Variants in SNRNP200 observed in about 807,000 individuals in gnomAD.
SNRNP200 encodes the protein U5 small nuclear ribonucleoprotein 200 kDa helicase.
SNRNP200 carries 66 observed loss-of-function variants against 255.2 expected under a neutral mutation model. The observed-to-expected ratio is 0.26, with a 90% CI of 0.21 to 0.32. The LOEUF (loss-of-function observed/expected upper bound fraction) is 0.32. Among genes scored for constraint, SNRNP200 ranks in the 10% least tolerant of loss-of-function variants. SNRNP200 has a pLI of 1.00. For missense variants in SNRNP200, 1,585 were observed against 2,749.8 expected, an observed-to-expected ratio of 0.58 and a Z score of 9.47; for synonymous variants, 939 against 1,027.8, an observed-to-expected ratio of 0.91 and a Z score of 1.65.
chr2:96,296,698 G>A lies in SNRNP200; in HGVS notation c.1516-7C>T. On this transcript the variant is annotated splice_polypyrimidine_tract_variant and splice_region_variant and intron_variant, in intron 12 of 44. Transcript: ENST00000323853. The stretch of plus-strand genomic sequence containing the variant: ...CGTTGGTCTTCCCAGCACCCTACGG[G>A]AGAGGTCAGGGATGAGAACGCCTAT... 6.2e-7 allele frequency: 1 copy of A among 1,614,172 alleles called. No homozygotes were observed. The highest frequency in any genetic ancestry group is 8.5e-7 in the Non-Finnish European group (1 of 1,180,008).
Position 96,296,988 on chromosome 2 carries a change from T to C in SNRNP200, c.1460A>G (p.Lys487Arg). The change falls in exon 12 of 45, where the codon AAG becomes AGG. Residue 487 changes from lysine to arginine, a missense_variant. By Grantham distance (26) the Lys-to-Arg change is conservative. Around this residue, in one of 9 missense-constraint regions of SNRNP200, gnomAD observed 383 missense variants for 645.3 expected, o/e 0.59. Transcript: ENST00000323853. ...CGTCTCAAGGGCAGCACGGTAGAGC[T>C]TACTCTGGATCCGATTCAGTGTTTT... ...GFKTLNRIQS[K>R]LYRAALETDE... is the part of the protein sequence containing the mutation. 4 of 1,614,216 alleles carry C rather than the reference T, an allele frequency of 2.5e-6. No individual in the cohort carries two copies. The highest frequency in any genetic ancestry group is 3.4e-6 in the Non-Finnish European group (4 of 1,180,040).
At chr2:96,284,701 G>A (rs1437114634) in intron 30 of SNRNP200, 116 bp from the exon 31 acceptor site, 28 of 758,620 alleles carry the variant, frequency 3.7e-5, no homozygotes, top group Middle Eastern at 2.9e-4. Context: ...CTCAAGCTAC[G>A]TTCTAATCCC....
intron 35 of SNRNP200, chr2:96,281,511 C>T (rs1232388118): frequency 5.2e-6 from 2 of 382,638 alleles, no homozygotes; most frequent in African/African-American, 2.1e-5. Flanking sequence ...TGTATGACCT[C>T]GACCAAGTCA....
chr2:96,276,594 G>A, intron 43 of SNRNP200: 1 of 375,922 alleles, frequency 2.7e-6, no homozygotes, highest in Middle Eastern at 4.2e-4. Context: ...GCTAATTTTT[G>A]TATTTTTAGT....
At chr2:96,305,257 C>G in intron 1 of SNRNP200, 136 bp downstream of exon 1, 1 of 1,174,988 alleles carries the variant, frequency 8.5e-7, no homozygotes, top group Non-Finnish European at 1.3e-6. Context: ...CGTATAACCC[C>G]CACCTTCACC....
At position 96,286,601 on chromosome 2, in the gene SNRNP200, A is replaced by G. The variant is rs752605192; in HGVS notation, c.3829+87T>C. On this transcript the variant is annotated intron_variant, in intron 28 of 44. Coordinates refer to ENST00000323853, the MANE Select transcript of SNRNP200 (RefSeq NM_014014.5). The surrounding 1 kb of genome is among the most constrained non-coding windows in gnomAD (Gnocchi z 4.8). Reference sequence around the variant, plus strand: ...GCATATGTATCACTCTGTCCCCAGCAAGGGCAAGCCCGGGACAAAGTGCAA... The same window carrying G: ...GCATATGTATCACTCTGTCCCCAGCGAGGGCAAGCCCGGGACAAAGTGCAA... 1 of 1,590,878 alleles carries G rather than the reference A, an allele frequency of 6.3e-7. No individual in the cohort carries two copies. Among genetic ancestry groups the G allele is most frequent in the Non-Finnish European group, 8.6e-7 (1 of 1,163,016 alleles).
chr2:96,275,428 A>G lies in SNRNP200; in HGVS notation c.6175-79T>C, dbSNP rs1318521152. On this transcript the variant is annotated intron_variant, in intron 43 of 44. Coordinates refer to ENST00000323853, the MANE Select transcript of SNRNP200 (RefSeq NM_014014.5). ...CAACCATGAAAATGGTACAGTTACA[A>G]AAGAGAGAACAAAAATCAGATAGCT... 4.1e-6 allele frequency: 5 copies of G among 1,216,430 alleles called. No homozygotes were observed. In the East Asian group the frequency reaches 9.3e-5, roughly 23 times the overall value. 75.4% of individuals were successfully genotyped at this position (1,216,430 alleles called of 1,614,324 possible). A position where few individuals can be genotyped will look rare whatever the true frequency, so the allele number is the denominator to read the frequency against.
Position 96,284,869 on chromosome 2 carries a change from C to A in SNRNP200, c.4165-284G>T, listed in dbSNP as rs538006296. The A allele has an allele frequency of 7.0e-5, 37 of 529,618 alleles. No homozygotes were observed. In the African/African-American group the frequency reaches 7.1e-4, roughly 10 times the overall value. 32.8% of individuals were successfully genotyped at this position (529,618 alleles called of 1,614,324 possible). A position where few individuals can be genotyped will look rare whatever the true frequency, so the allele number is the denominator to read the frequency against. On this transcript the variant is annotated intron_variant, in intron 30 of 44. Coordinates refer to ENST00000323853, the MANE Select transcript of SNRNP200 (RefSeq NM_014014.5). ...GGTTCAAGCGATTCTCCTGCCTCAG[C>A]CTTCCAAGTAGCTGGGATTACAGGC...
Position 96,298,267 on chromosome 2 carries a change from AC to A in SNRNP200, c.1119+16del. 1 of 1,614,148 alleles carries A rather than the reference AC, an allele frequency of 6.2e-7. No individual in the cohort carries two copies. The highest frequency in any genetic ancestry group is 1.1e-5 in the South Asian group (1 of 91,076). On this transcript the variant is annotated intron_variant, in intron 9 of 44. Coordinates refer to ENST00000323853, the MANE Select transcript of SNRNP200 (RefSeq NM_014014.5). Reference sequence around the variant, plus strand: ...GTTAGCTCAGAAATCAGACAGATAAACCAACCCAGTCCTTACTCGGATCAGA... The same window carrying A: ...GTTAGCTCAGAAATCAGACAGATAAACAACCCAGTCCTTACTCGGATCAGA...
intron 35 of SNRNP200, 21 bp downstream of exon 35, chr2:96,281,793 C>G (rs1260751766): frequency 7.8e-6 from 12 of 1,539,606 alleles, no homozygotes; most frequent in Non-Finnish European, 1.1e-5. Context: ...TGTGCTAACA[C>G]AGAGCACCAG....
intron 21 of SNRNP200, 109 bp from the exon 22 acceptor site, chr2:96,289,488 A>G (rs978414345): frequency 8.4e-7 from 1 of 1,186,722 alleles, no homozygotes; most frequent in Admixed American, 1.9e-5. Context: ...TTTTTTGGTA[A>G]AGTATATGAC....
intron 24 of SNRNP200, 42 bp from the exon 25 acceptor site, chr2:96,288,011 T>A (rs746868375): frequency 1.0e-5 from 16 of 1,570,702 alleles, no homozygotes; most frequent in Non-Finnish European, 1.4e-5. Flanking sequence ...GTCTCGACTA[T>A]CCCCAGGCCT....
chr2:96,286,232 C>CCG lies in SNRNP200; in HGVS notation c.4003+78_4003+79insCG. 1 of 1,465,918 alleles carries CCG rather than the reference C, an allele frequency of 6.8e-7. No individual in the cohort carries two copies. Among genetic ancestry groups the CCG allele is most frequent in the Non-Finnish European group, 9.6e-7 (1 of 1,046,344 alleles). 90.8% of individuals were successfully genotyped at this position (1,465,918 alleles called of 1,614,324 possible). A position where few individuals can be genotyped will look rare whatever the true frequency, so the allele number is the denominator to read the frequency against. Reference sequence around the variant, plus strand: ...AGACCTCCCAAGTGCCTGAGCACCCCCACTCCCCTGCCTGCCACAGAGCAC... The same window carrying CCG: ...AGACCTCCCAAGTGCCTGAGCACCCCCGCACTCCCCTGCCTGCCACAGAGCAC... On this transcript the variant is annotated intron_variant, in intron 29 of 44. Coordinates refer to ENST00000323853, the MANE Select transcript of SNRNP200 (RefSeq NM_014014.5). This position sits in a 1 kb window ranked among gnomAD's most constrained non-coding sequence, Gnocchi z 4.8.
chr2:96,281,709 C>T, intron 35 of SNRNP200, 105 bp downstream of exon 35: 1 of 952,422 alleles, frequency 1.0e-6, no homozygotes, highest in Non-Finnish European at 1.7e-6. Flanking sequence ...CTGTTAACTT[C>T]CCTAACACCT....
chr2:96,281,629 TAA>T, intron 35 of SNRNP200, 183 bp downstream of exon 35: 1 of 621,066 alleles, frequency 1.6e-6, no homozygotes, highest in Non-Finnish European at 3.0e-6. Flanking sequence ...GCACAATGAC[TAA>T]AAAGCAAATG....
chr2:96,274,532 G>A lies in SNRNP200; in HGVS notation c.*480C>T, dbSNP rs1573985738. ...AGTGCTGATGTGTGGGTACCACTGA[G>A]GCCAGGCCACAGTCGCATGTACCCT... On this transcript the variant is annotated 3_prime_UTR_variant, in exon 45 of 45. Coordinates refer to ENST00000323853, the MANE Select transcript of SNRNP200 (RefSeq NM_014014.5). The A allele has an allele frequency of 4.4e-6, 1 of 224,914 alleles. No individual in the cohort carries two copies. Among genetic ancestry groups the A allele is most frequent in the Non-Finnish European group, 9.0e-6 (1 of 111,466 alleles). 13.9% of individuals were successfully genotyped at this position (224,914 alleles called of 1,614,324 possible).
chr2:96,305,468 C>T lies in SNRNP200; in HGVS notation c.-31G>A, dbSNP rs1433473864. On this transcript the variant is annotated 5_prime_UTR_variant, in exon 1 of 45. Coordinates refer to ENST00000323853, the MANE Select transcript of SNRNP200 (RefSeq NM_014014.5). ...CGGCTGCTCGGAGGCTTCAGACCAC[C>T]ACGCCTCCCTACCGCAAGCTGCAAA... 4.3e-6 allele frequency: 7 copies of T among 1,613,504 alleles called. No individual in the cohort carries two copies. The African/African-American group carries it at 9.3e-5, about 22-fold the overall frequency.
At chr2:96,284,122 G>A in intron 31 of SNRNP200, 118 bp from the exon 32 acceptor site, 1 of 1,044,138 alleles carries the variant, frequency 9.6e-7, no homozygotes, top group African/African-American at 1.6e-5. Flanking sequence ...CTTCTAACTA[G>A]GAGCTCTCAT....
rs772176 is a variant in SNRNP200 at position 96,290,577 on chromosome 2, T to G, written c.2554-63A>C. Reference sequence around the variant, plus strand: ...GAGAATGTCTGAATTTTGATGCAGGTATCTACATTACAGAACTAGACCTCT... The same window carrying G: ...GAGAATGTCTGAATTTTGATGCAGGGATCTACATTACAGAACTAGACCTCT... On this transcript the variant is annotated intron_variant, in intron 19 of 44. Transcript: ENST00000323853. The surrounding 1 kb of genome is among the most constrained non-coding windows in gnomAD (Gnocchi z 4.5). 0.99 allele frequency: 1,589,962 copies of G among 1,612,198 alleles called. 784,065 individuals carry two copies. The highest frequency in any genetic ancestry group is 1 in the East Asian group (44,861 of 44,864).
Sources: allele counts gnomAD v4.1 joint callset, GRCh38; gene constraint gnomAD v4.1.1; regional missense constraint gnomAD v4.1.1; non-coding constraint Gnocchi (gnomAD v3.1); transcripts MANE v1.5; gene names NCBI Gene and HGNC (gene_info 2026-07-23, HGNC 2026-07-21).